KCNQ5: variants seen among roughly 807,000 people sequenced by gnomAD.
KCNQ5 encodes the protein potassium voltage-gated channel subfamily KQT member 5.
Under a neutral mutation model 98.2 loss-of-function variants are expected in KCNQ5, and 30 were observed. The observed-to-expected ratio is 0.31, with a 90% CI of 0.23 to 0.41. KCNQ5 has a LOEUF of 0.41. Ranked by LOEUF, KCNQ5 falls within the 10% of genes least tolerant of loss-of-function variation. The pLI, the probability that KCNQ5 is intolerant of heterozygous loss-of-function variation, is 1.00. For synonymous variants in KCNQ5, 458 were observed against 449.4 expected, an observed-to-expected ratio of 1.02 and a Z score of -0.24; for missense variants, 835 against 1,182.5, an observed-to-expected ratio of 0.71 and a Z score of 4.31.
At chr6:73,074,220 A>G (rs774564953) in intron 3 of KCNQ5, among the ~76,000 whole-genome samples, 21 of 152,260 alleles carry the variant, frequency 1.4e-4, no homozygotes, top group Non-Finnish European at 2.6e-4. Flanking sequence ...TCACAAAAAT[A>G]GTAAATACAT....
chr6:72,946,214 T>A (rs1311064580), intron 1 of KCNQ5, among the ~76,000 whole-genome samples: 2 of 152,172 alleles, frequency 1.3e-5, no homozygotes, highest in East Asian at 3.9e-4. Flanking sequence ...CTATATGTGT[T>A]CCTATAGTTC....
rs1258779237 is a variant in KCNQ5 at position 72,622,276 on chromosome 6, G to A, written c.87G>A (p.Gly29=). Residue 29 remains glycine (G), a synonymous_variant, in exon 1 of 14, where the codon GGG becomes GGA. Transcript: ENST00000370398. This position sits in a 1 kb window ranked among gnomAD's most constrained non-coding sequence, Gnocchi z 6.0. ...GCGCAGCGGCGGCGGCGGCGGGCGG[G>A]GGGCGCTTGGGCAGCGGCATGAAGG... The part of the protein sequence containing the change: ...KSGAAAAAAG[G]GRLGSGMKDV... The A allele has an allele frequency of 3.9e-6, 5 of 1,275,770 alleles. No homozygotes were observed. Among genetic ancestry groups the A allele is most frequent in the Non-Finnish European group, 4.9e-6 (5 of 1,014,196 alleles). 79.0% of individuals were successfully genotyped at this position (1,275,770 alleles called of 1,614,324 possible).
chr6:73,148,259 A>G (rs1777000327), intron 10 of KCNQ5, among the ~76,000 whole-genome samples: 1 of 152,240 alleles, frequency 6.6e-6, no homozygotes, highest in Admixed American at 6.5e-5. Flanking sequence ...AGTAAGGTTA[A>G]TTGACAATCT....
At chr6:72,875,611 T>C (rs539254704) in intron 1 of KCNQ5, among the ~76,000 whole-genome samples, 17 of 152,298 alleles carry the variant, frequency 1.1e-4, no homozygotes, top group African/African-American at 4.1e-4. Context: ...GAAAATGTTT[T>C]GTTATGTAAT....
At chr6:72,889,345 G>A (rs1306396861) in intron 1 of KCNQ5, among the ~76,000 whole-genome samples, 1 of 152,164 alleles carries the variant, frequency 6.6e-6, no homozygotes. Context: ...AGCCTCGGAA[G>A]CCACTGGGAA....
intron 8 of KCNQ5, among the ~76,000 whole-genome samples, chr6:73,122,633 G>A (rs1462535656): frequency 1.3e-5 from 2 of 152,174 alleles, no homozygotes; most frequent in Non-Finnish European, 2.9e-5. Context: ...GAAACTAGAT[G>A]TCCTAACATC....
chr6:72,797,778 G>C (rs1379913169), intron 1 of KCNQ5, among the ~76,000 whole-genome samples: 31 of 151,820 alleles, frequency 2.0e-4, no homozygotes, highest in Non-Finnish European at 5.9e-5. Context: ...ATCAAATTTT[G>C]GCCAGTATTT....
chr6:73,110,770 A>G (rs1775211350), intron 6 of KCNQ5, among the ~76,000 whole-genome samples: 1 of 152,186 alleles, frequency 6.6e-6, no homozygotes, highest in Non-Finnish European at 1.5e-5. Flanking sequence ...GATTTTATAC[A>G]GTCCTCTCTC....
chr6:72,723,174 A>G (rs1436067453), intron 1 of KCNQ5, among the ~76,000 whole-genome samples: 3 of 152,058 alleles, frequency 2.0e-5, no homozygotes. Context: ...GTAGTCTTTT[A>G]TTTCACTTCT....
chr6:73,078,001 G>T, intron 5 of KCNQ5, 114 bp downstream of exon 5: 1 of 854,854 alleles, frequency 1.2e-6, no homozygotes, highest in Non-Finnish European at 1.7e-6. Context: ...GCGAAAGAGA[G>T]TTATATGGAA....
At chr6:72,633,575 C>T (rs959687540) in intron 1 of KCNQ5, among the ~76,000 whole-genome samples, 2 of 152,066 alleles carry the variant, frequency 1.3e-5, no homozygotes, top group Non-Finnish European at 2.9e-5. Context: ...AAAAAGAACC[C>T]GAATAGCCAA....
At chr6:73,050,311 G>GAA (rs761896851) in intron 3 of KCNQ5, among the ~76,000 whole-genome samples, 24,470 of 77,232 alleles carry the variant, frequency 0.32, 4,951 homozygotes, top group Non-Finnish European at 0.51. Flanking sequence ...AGGAAGGAAG[G>GAA]GAGGGAAGAA....
At chr6:73,145,752 G>A (rs1156908061) in intron 10 of KCNQ5, among the ~76,000 whole-genome samples, 4 of 152,158 alleles carry the variant, frequency 2.6e-5, no homozygotes, top group South Asian at 4.2e-4. Context: ...TAGTTTTTTC[G>A]CACACTGCTA....
chr6:72,879,489 T>G (rs1180677357), intron 1 of KCNQ5, among the ~76,000 whole-genome samples: 2 of 152,220 alleles, frequency 1.3e-5, no homozygotes, highest in Non-Finnish European at 2.9e-5. Flanking sequence ...TCCTAAATGA[T>G]GTTTCATATT....
intron 1 of KCNQ5, among the ~76,000 whole-genome samples, chr6:72,953,511 T>C (rs1161537017): frequency 1.3e-5 from 2 of 152,192 alleles, no homozygotes; most frequent in Non-Finnish European, 2.9e-5. Flanking sequence ...CCTTTTCAAA[T>C]CCAATGAATC....
chr6:72,638,520 C>T (rs1484495191), intron 1 of KCNQ5, among the ~76,000 whole-genome samples: 2 of 152,044 alleles, frequency 1.3e-5, no homozygotes, highest in Admixed American at 1.3e-4. Context: ...CAAACCATCA[C>T]GTTGTACTGG....
intron 1 of KCNQ5, among the ~76,000 whole-genome samples, chr6:72,674,039 A>T (rs7749264): frequency 0.44 from 66,441 of 151,974 alleles, 15,657 homozygotes; most frequent in African/African-American, 0.59. Flanking sequence ...ATTATTTGTT[A>T]TATTATAATA....
At chr6:72,688,281 C>A (rs1768053249) in intron 1 of KCNQ5, among the ~76,000 whole-genome samples, 1 of 152,120 alleles carries the variant, frequency 6.6e-6, no homozygotes, top group Non-Finnish European at 1.5e-5. Context: ...CAAGATTTCC[C>A]AGGTTACTAG....
At chr6:73,158,490 C>G (rs1172466011) in intron 10 of KCNQ5, among the ~76,000 whole-genome samples, 1 of 152,064 alleles carries the variant, frequency 6.6e-6, no homozygotes, top group Non-Finnish European at 1.5e-5. Flanking sequence ...TGGTCTCGAA[C>G]TCCTGACCTC....
Sources: allele counts gnomAD v4.1 joint callset (sites outside exome capture counted in the v4.1 genomes callset), GRCh38; gene constraint gnomAD v4.1.1; non-coding constraint Gnocchi (gnomAD v3.1); transcripts MANE v1.5; gene names NCBI Gene and HGNC (gene_info 2026-07-23, HGNC 2026-07-21).